The following EHBP1 variants were observed in gnomAD, a reference collection of about 807,000 sequenced individuals.
EHBP1 encodes EH domain binding protein 1.
Under a neutral mutation model 144.0 loss-of-function variants are expected in EHBP1, and 55 were observed. The observed-to-expected ratio is 0.38, with a 90% CI of 0.31 to 0.48. EHBP1 has a LOEUF of 0.48. Ranked by LOEUF, EHBP1 falls within the 20% of genes least tolerant of loss-of-function variation. The pLI is 0.98. For missense variants in EHBP1, 1,200 were observed against 1,364.2 expected, an observed-to-expected ratio of 0.88 and a Z score of 1.90; for synonymous variants, 469 against 472.7, an observed-to-expected ratio of 0.99 and a Z score of 0.10.
chr2:62,835,516 G>T (rs572605707), intron 7 of EHBP1, among the ~76,000 whole-genome samples: 1 of 152,130 alleles, frequency 6.6e-6, no homozygotes, highest in African/African-American at 2.4e-5. Flanking sequence ...GAACAGCTCC[G>T]GTCTACAGCT....
intron 19 of EHBP1, among the ~76,000 whole-genome samples, chr2:63,004,456 T>C (rs531147303): frequency 3.9e-5 from 6 of 152,208 alleles, no homozygotes; most frequent in South Asian, 4.1e-4. Context: ...TATGGTCTAA[T>C]ACCAAATGAC....
At chr2:62,997,219 T>C (rs1044097997) in intron 19 of EHBP1, among the ~76,000 whole-genome samples, 1 of 151,570 alleles carries the variant, frequency 6.6e-6, no homozygotes, top group East Asian at 1.9e-4. Context: ...TGCTCCACAA[T>C]TTTTTTTTCA....
intron 19 of EHBP1, among the ~76,000 whole-genome samples, chr2:63,031,662 C>G (rs1312983942): frequency 6.6e-6 from 1 of 152,200 alleles, no homozygotes; most frequent in Admixed American, 6.5e-5. Flanking sequence ...GGCACAGTGT[C>G]TCACACCTGT....
At chr2:62,823,766 T>C (rs1487505576) in intron 5 of EHBP1, among the ~76,000 whole-genome samples, 4 of 152,084 alleles carry the variant, frequency 2.6e-5, no homozygotes, top group African/African-American at 9.7e-5. Context: ...GGAGAATTAC[T>C]AGGAACACCA....
At chr2:62,714,383 A>G (rs2035462931) in intron 2 of EHBP1, among the ~76,000 whole-genome samples, 1 of 152,204 alleles carries the variant, frequency 6.6e-6, no homozygotes, top group Non-Finnish European at 1.5e-5. Flanking sequence ...CTCAAACTAC[A>G]TAAGTAACAG....
intron 6 of EHBP1, among the ~76,000 whole-genome samples, chr2:62,827,930 A>G (rs2046462132): frequency 6.6e-6 from 1 of 152,168 alleles, no homozygotes; most frequent in African/African-American, 2.4e-5. Context: ...CGGCCTCCCA[A>G]AGTGCTGGGA....
intron 6 of EHBP1, among the ~76,000 whole-genome samples, chr2:62,829,454 C>T (rs898115394): frequency 3.3e-5 from 5 of 151,704 alleles, no homozygotes; most frequent in African/African-American, 4.8e-5. Context: ...TGAGAACATA[C>T]GATGTTTGGT....
At chr2:62,887,184 A>G (rs940174838) in intron 10 of EHBP1, among the ~76,000 whole-genome samples, 4 of 152,164 alleles carry the variant, frequency 2.6e-5, no homozygotes, top group Non-Finnish European at 5.9e-5. Context: ...CTAGTCAACA[A>G]GAAGGAAGGG....
intron 19 of EHBP1, 33 bp from the exon 20 acceptor site, chr2:63,037,502 G>A (rs533168773): frequency 1.7e-5 from 25 of 1,452,404 alleles, no homozygotes; most frequent in South Asian, 1.3e-4. Context: ...TTTTAACATC[G>A]TATAGTAAAA....
At chr2:62,687,307 A>C (rs1021100948) in intron 1 of EHBP1, among the ~76,000 whole-genome samples, 4 of 152,206 alleles carry the variant, frequency 2.6e-5, no homozygotes, top group Admixed American at 6.5e-5. Context: ...CTATTGATGG[A>C]AGGAGGTAGA....
chr2:63,015,144 T>C (rs554847470), intron 19 of EHBP1, among the ~76,000 whole-genome samples: 5 of 152,230 alleles, frequency 3.3e-5, no homozygotes, highest in Non-Finnish European at 7.3e-5. Flanking sequence ...GATGTTTCTA[T>C]ATACTGTTCT....
At chr2:63,030,137 T>C (rs779052264) in intron 19 of EHBP1, among the ~76,000 whole-genome samples, 1 of 152,218 alleles carries the variant, frequency 6.6e-6, no homozygotes, top group Non-Finnish European at 1.5e-5. Flanking sequence ...TAATTATATA[T>C]CATGCTTGAC....
chr2:62,705,403 T>C (rs904876575), upstream of EHBP1, among the ~76,000 whole-genome samples: 1 of 151,940 alleles, frequency 6.6e-6, no homozygotes, highest in Non-Finnish European at 1.5e-5. Context: ...TGCAGTTCAC[T>C]ATAAACACTC....
At chr2:62,716,739 G>C (rs2035721022) in intron 2 of EHBP1, among the ~76,000 whole-genome samples, 1 of 152,174 alleles carries the variant, frequency 6.6e-6, no homozygotes, top group Non-Finnish European at 1.5e-5. Flanking sequence ...TCTTGTGAGA[G>C]GAAGCAATCT....
chr2:62,978,125 A>G (rs984538175), intron 14 of EHBP1, among the ~76,000 whole-genome samples: 1 of 152,052 alleles, frequency 6.6e-6, no homozygotes, highest in African/African-American at 2.4e-5. Flanking sequence ...TATCATAATA[A>G]TGCCATATTT....
chr2:63,037,431 T>C, intron 19 of EHBP1, 104 bp from the exon 20 acceptor site: 1 of 718,440 alleles, frequency 1.4e-6, no homozygotes, highest in Non-Finnish European at 2.4e-6. Flanking sequence ...TATATAGTAT[T>C]AGAATAAGTA....
chr2:62,841,405 G>A (rs991208680), intron 7 of EHBP1, among the ~76,000 whole-genome samples: 3 of 151,538 alleles, frequency 2.0e-5, no homozygotes, highest in Non-Finnish European at 4.4e-5. Flanking sequence ...ACGAGTTAGT[G>A]GGTGCAGTGC....
In EHBP1 at chr2:62,948,997, T is replaced by A. The variant is rs566333853; in HGVS notation, c.2151T>A (p.Pro717=). 1 of 1,613,874 alleles carries A rather than the reference T, an allele frequency of 6.2e-7. No individual in the cohort carries two copies. Among genetic ancestry groups the A allele is most frequent in the African/African-American group, 1.3e-5 (1 of 75,016 alleles). Residue 717 remains proline, a synonymous_variant, in exon 13 of 23, where the codon CCT becomes CCA. Coordinates refer to ENST00000431489, the MANE Select transcript of EHBP1 (RefSeq NM_001142616.3). ...SLECRSDPES[P]IKKTSLSPTS... ...AATGCAGATCAGATCCAGAATCTCC[T>A]ATCAAAAAAACAAGTTTATCTCCTA...
chr2:62,812,766 A>G (rs2045120865), intron 5 of EHBP1, among the ~76,000 whole-genome samples: 1 of 152,188 alleles, frequency 6.6e-6, no homozygotes, highest in African/African-American at 2.4e-5. Context: ...GAGGAGATGC[A>G]TCGGGACTTT....
Sources: gnomAD v4.1 joint callset for allele counts (sites outside exome capture counted in the v4.1 genomes callset) on GRCh38, gnomAD v4.1.1 for gene constraint, MANE v1.5 for transcripts, NCBI Gene and HGNC (gene_info 2026-07-23, HGNC 2026-07-21) for gene names.